Variants in IGF2BP2 observed in about 807,000 individuals in gnomAD.
IGF2BP2 encodes the protein insulin-like growth factor 2 mRNA-binding protein 2.
A neutral mutation model predicts 75.8 loss-of-function variants in IGF2BP2; 17 were observed. The observed-to-expected ratio is 0.22, with a 90% CI of 0.15 to 0.34. The LOEUF (loss-of-function observed/expected upper bound fraction) is 0.34, where lower values mean the gene tolerates loss of function less well. IGF2BP2 is among the 10% of genes least tolerant of loss of function. IGF2BP2 has a pLI of 1.00. For synonymous variants in IGF2BP2, 288 were observed against 295.6 expected (o/e 0.97, Z 0.26); for missense variants, 516 against 772.4 (o/e 0.67, Z 3.93).
chr3:185,756,000 G>A (rs529397783), intron 2 of IGF2BP2, among the ~76,000 whole-genome samples: 1 of 152,226 alleles, frequency 6.6e-6, no homozygotes, highest in Admixed American at 6.5e-5. Context: ...AGAATGACAT[G>A]GTTTGGATGA....
intron 2 of IGF2BP2, among the ~76,000 whole-genome samples, chr3:185,701,811 C>G (rs1385664366): frequency 6.6e-6 from 1 of 152,160 alleles, no homozygotes; most frequent in East Asian, 1.9e-4. Context: ...GTAGAACCAA[C>G]TAACCTGGAG....
chr3:185,744,114 C>T (rs535969148), intron 2 of IGF2BP2, among the ~76,000 whole-genome samples: 17 of 152,210 alleles, frequency 1.1e-4, no homozygotes, highest in African/African-American at 3.6e-4. Flanking sequence ...ACCTGAGAGA[C>T]GAGAGATAAC....
At chr3:185,811,537 A>G (rs933954439) in intron 2 of IGF2BP2, among the ~76,000 whole-genome samples, 20 of 152,206 alleles carry the variant, frequency 1.3e-4, no homozygotes, top group Admixed American at 1.3e-3. Flanking sequence ...GATATTTAAC[A>G]TAAGAACTCT....
chr3:185,650,069 C>CATAGCTCA (rs1460901488), intron 13 of IGF2BP2, among the ~76,000 whole-genome samples: 1 of 149,262 alleles, frequency 6.7e-6, no homozygotes, highest in East Asian at 2.0e-4. Flanking sequence ...GTGGCACGAT[C>CATAGCTCA]ATAGCTCATG....
At chr3:185,763,523 T>G (rs1732655369) in intron 2 of IGF2BP2, among the ~76,000 whole-genome samples, 1 of 152,358 alleles carries the variant, frequency 6.6e-6, no homozygotes. Context: ...CCTTGTTTGA[T>G]TCAGCAGATG....
rs1170119277 is a variant in IGF2BP2 at position 185,736,729 on chromosome 3, G to GGGTT, written c.240-38386_240-38383dup. On this transcript the variant is annotated intron_variant, in intron 2 of 15. Coordinates refer to ENST00000382199, the MANE Select transcript of IGF2BP2 (RefSeq NM_006548.6). ...GCAGAGTTAATGAGCTCAACACTTA[G>GGGTT]GGTTTCAAGTTAGGCTTCACGGGCA... is the stretch of plus-strand genomic sequence containing the variant. 3.3e-5 allele frequency among the ~76,000 whole-genome samples: 5 copies of GGGTT among 152,220 alleles called. No homozygotes were observed. In the East Asian group the frequency reaches 9.6e-4, roughly 29 times the overall value.
chr3:185,683,611 G>C (rs1232168331), intron 7 of IGF2BP2, among the ~76,000 whole-genome samples: 1 of 152,110 alleles, frequency 6.6e-6, no homozygotes, highest in Non-Finnish European at 1.5e-5. Context: ...GTTTCACCAT[G>C]TTGGCCAGGC....
chr3:185,783,951 A>G (rs1020245247), intron 2 of IGF2BP2, among the ~76,000 whole-genome samples: 4 of 152,214 alleles, frequency 2.6e-5, no homozygotes, highest in Non-Finnish European at 5.9e-5. Flanking sequence ...TAAATAAACA[A>G]CAGCCTGGCG....
intron 2 of IGF2BP2, among the ~76,000 whole-genome samples, chr3:185,792,430 C>T (rs933714285): frequency 1.1e-4 from 16 of 152,028 alleles, no homozygotes; most frequent in African/African-American, 3.9e-4. Flanking sequence ...CATGGCGAAA[C>T]CCCGTCTCTA....
At chr3:185,720,756 T>C (rs1400706638) in intron 2 of IGF2BP2, among the ~76,000 whole-genome samples, 1 of 152,156 alleles carries the variant, frequency 6.6e-6, no homozygotes, top group East Asian at 1.9e-4. Context: ...TGGAAGAAAC[T>C]CATTTTGCAG....
chr3:185,778,836 A>G lies in IGF2BP2; in HGVS notation c.239+44317T>C, dbSNP rs140197827. Among the ~76,000 whole-genome samples the G allele has an allele frequency of 5.0e-4, 76 of 152,348 alleles. 2 individuals carry two copies. Among genetic ancestry groups the G allele is most frequent in the African/African-American group, 1.8e-3 (73 of 41,576 alleles). On this transcript the variant is annotated intron_variant, in intron 2 of 15. Transcript: ENST00000382199. ...CTCTGACCAACATTGCTAGTTAATC[A>G]CAGAAATCTTTTCTGTTGAACCCAG...
chr3:185,677,985 G>T (rs937205465), intron 7 of IGF2BP2, among the ~76,000 whole-genome samples: 4 of 152,112 alleles, frequency 2.6e-5, no homozygotes, highest in Admixed American at 6.5e-5. Context: ...ATCAATATAA[G>T]CATAATGGGA....
rs570628906 is a variant in IGF2BP2, at chr3:185,768,944, T to C, written c.239+54209A>G. Among the ~76,000 whole-genome samples, 20 of 152,302 alleles carry C rather than the reference T, an allele frequency of 1.3e-4. No individual in the cohort carries two copies. In the East Asian group the frequency reaches 3.5e-3, roughly 26 times the overall value. On this transcript the variant is annotated intron_variant, in intron 2 of 15. Transcript: ENST00000382199. Reference sequence around the variant, plus strand: ...CAGGAGGCTGAGACAGGAGAATTGCTTGAACCTGGGAGGTGGAGATTGCAG... The same window carrying C: ...CAGGAGGCTGAGACAGGAGAATTGCCTGAACCTGGGAGGTGGAGATTGCAG...
chr3:185,813,265 A>G (rs961321293), intron 2 of IGF2BP2, among the ~76,000 whole-genome samples: 2 of 152,238 alleles, frequency 1.3e-5, no homozygotes, highest in African/African-American at 4.8e-5. Context: ...TAAACAGCCA[A>G]AAATTTTAAA....
intron 2 of IGF2BP2, among the ~76,000 whole-genome samples, chr3:185,699,573 C>A (rs771307309): frequency 6.6e-6 from 1 of 152,230 alleles, no homozygotes; most frequent in Non-Finnish European, 1.5e-5. Flanking sequence ...ATGTTATTTG[C>A]GTATCCTTCA....
At position 185,689,382 on chromosome 3, in the gene IGF2BP2, T is replaced by A. The variant is rs749624654; in HGVS notation, c.650A>T (p.Lys217Met). 1 of 1,613,810 alleles carries A rather than the reference T, an allele frequency of 6.2e-7. No homozygotes were observed. Among genetic ancestry groups the A allele is most frequent in the African/African-American group, 1.3e-5 (1 of 75,050 alleles). The change falls in exon 6 of 16, where the codon AAG (lysine) becomes ATG (methionine). Residue 217 changes from lysine to methionine, a missense_variant. Around this residue, in one of 3 missense-constraint regions of IGF2BP2, gnomAD observed 312 missense variants for 474.5 expected, o/e 0.66. Transcript: ENST00000382199. The stretch of plus-strand genomic sequence containing the variant: ...GGACTGGGTCTGCTTAGTGATGTTC[T>A]TTATGGTCAAGCCCTCCTTTCCGAT... ...AIIGKEGLTI[K>M]NITKQTQSRV...
intron 12 of IGF2BP2, among the ~76,000 whole-genome samples, chr3:185,652,483 G>A (rs1714764504): frequency 6.6e-6 from 1 of 152,158 alleles, no homozygotes; most frequent in African/African-American, 2.4e-5. Context: ...AAATAACCAG[G>A]GAGTCAAAAG....
intron 2 of IGF2BP2, chr3:185,712,745 T>C (rs1454531760): frequency 6.6e-6 from 1 of 151,842 alleles, no homozygotes; most frequent in Non-Finnish European, 1.5e-5. Context: ...AAAACAATAA[T>C]CTCAACAAAT....
intron 2 of IGF2BP2, among the ~76,000 whole-genome samples, chr3:185,802,017 G>A (rs1309194419): frequency 1.3e-5 from 2 of 151,922 alleles, no homozygotes; most frequent in Non-Finnish European, 2.9e-5. Context: ...CTGTCAAGCA[G>A]TAGGGGGCAA....
Sources: gnomAD v4.1 joint callset for allele counts (sites outside exome capture counted in the v4.1 genomes callset) on GRCh38, gnomAD v4.1.1 for gene constraint, gnomAD v4.1.1 regional missense constraint, MANE v1.5 for transcripts, NCBI Gene and HGNC (gene_info 2026-07-23, HGNC 2026-07-21) for gene names.